SHISA9: variants seen among roughly 807,000 people sequenced by gnomAD.
SHISA9 encodes the protein shisa family member 9.
SHISA9 carries 13 observed loss-of-function variants against 38.0 expected under a neutral mutation model. The ratio of observed to expected loss-of-function variants is 0.34; its 90% CI spans 0.22 to 0.54. SHISA9 has a LOEUF of 0.54. SHISA9 is among the 20% of genes least tolerant of loss of function. The probability of loss-of-function intolerance (pLI) is 0.91; values close to 1 mark genes in which losing one functional copy is unlikely to be tolerated. For synonymous variants in SHISA9, 275 were observed against 242.0 expected (o/e 1.14, Z -1.27); for missense variants, 538 against 575.8 (o/e 0.93, Z 0.67).
At chr16:13,051,467 A>G (rs1010986802) in intron 2 of SHISA9, among the ~76,000 whole-genome samples, 3 of 152,192 alleles carry the variant, frequency 2.0e-5, no homozygotes, top group African/African-American at 4.8e-5. Flanking sequence ...CTGAATGAAT[A>G]TCGACTACTT....
intron 2 of SHISA9, among the ~76,000 whole-genome samples, chr16:13,078,533 G>A (rs1205350446): frequency 6.6e-6 from 1 of 152,084 alleles, no homozygotes; most frequent in South Asian, 2.1e-4. Context: ...AGCCACTGGA[G>A]TAGCTGGGAT....
chr16:13,261,399 G>A, the SHISA9 span, among the ~76,000 whole-genome samples: 8 of 152,280 alleles, frequency 5.3e-5, no homozygotes, highest in South Asian at 1.7e-3. Context: ...TGATGATGAT[G>A]TTGACAGCAC....
At chr16:13,473,370 T>C in the SHISA9 span, among the ~76,000 whole-genome samples, 1 of 147,420 alleles carries the variant, frequency 6.8e-6, no homozygotes, top group African/African-American at 2.5e-5. Context: ...TTTTTTTTTT[T>C]TGAGGGGGTA....
At chr16:13,045,763 T>A (rs56013801) in intron 2 of SHISA9, among the ~76,000 whole-genome samples, 1 of 151,640 alleles carries the variant, frequency 6.6e-6, no homozygotes, top group South Asian at 2.1e-4. Flanking sequence ...CTGCCCCCAC[T>A]GTGTCCCCCA....
At chr16:13,555,442 T>A in the SHISA9 span, among the ~76,000 whole-genome samples, 1 of 152,160 alleles carries the variant, frequency 6.6e-6, no homozygotes, top group Non-Finnish European at 1.5e-5. Context: ...GTGAGAACAT[T>A]TGGTAGTTCC....
the SHISA9 span, among the ~76,000 whole-genome samples, chr16:13,553,550 C>T: frequency 6.6e-6 from 1 of 152,104 alleles, no homozygotes; most frequent in East Asian, 1.9e-4. Context: ...GTCTAAAATA[C>T]CACTACCATA....
the SHISA9 span, among the ~76,000 whole-genome samples, chr16:13,334,773 C>A: frequency 7.9e-3 from 772 of 97,162 alleles, no homozygotes; most frequent in Middle Eastern, 0.012. Flanking sequence ...GACTCCATCT[C>A]AAAAAAAAAA....
intron 2 of SHISA9, among the ~76,000 whole-genome samples, chr16:13,177,873 T>C (rs2050745078): frequency 6.6e-6 from 1 of 152,142 alleles, no homozygotes; most frequent in South Asian, 2.1e-4. Context: ...TTTCACCATG[T>C]TGTCCAGGCT....
At chr16:13,265,392 T>C in the SHISA9 span, among the ~76,000 whole-genome samples, 8 of 64,898 alleles carry the variant, frequency 1.2e-4, no homozygotes, top group East Asian at 5.4e-4. Flanking sequence ...CCTCCCTTCC[T>C]CTCCTCTCCT....
chr16:13,155,671 G>T (rs903559135), intron 2 of SHISA9, among the ~76,000 whole-genome samples: 6 of 152,116 alleles, frequency 3.9e-5, no homozygotes, highest in African/African-American at 1.4e-4. Context: ...AGGTACCCAG[G>T]CCACAGCCTT....
chr16:13,541,192 G>A, the SHISA9 span, among the ~76,000 whole-genome samples: 102,627 of 151,936 alleles, frequency 0.68, 35,229 homozygotes, highest in East Asian at 0.97. Flanking sequence ...ATGATGCTCA[G>A]AGAGTAAAGG....
the SHISA9 span, among the ~76,000 whole-genome samples, chr16:13,377,361 T>C: frequency 1.3e-5 from 2 of 152,248 alleles, no homozygotes; most frequent in African/African-American, 4.8e-5. Context: ...AGTTCTTTTT[T>C]ATCATGTTTC....
At chr16:13,089,073 G>A (rs543780394) in intron 2 of SHISA9, among the ~76,000 whole-genome samples, 4 of 152,282 alleles carry the variant, frequency 2.6e-5, no homozygotes, top group Admixed American at 6.5e-5. Context: ...TAATCATGTG[G>A]TTTTTGTCTT....
the SHISA9 span, among the ~76,000 whole-genome samples, chr16:13,346,074 T>C: frequency 6.6e-6 from 1 of 152,184 alleles, no homozygotes; most frequent in Admixed American, 6.5e-5. Flanking sequence ...ATATTGTATA[T>C]TGTACCCATT....
At chr16:13,558,610 G>T in the SHISA9 span, among the ~76,000 whole-genome samples, 1 of 152,116 alleles carries the variant, frequency 6.6e-6, no homozygotes, top group African/African-American at 2.4e-5. Flanking sequence ...ACAGTAACAC[G>T]TTCCTGAGCA....
chr16:13,298,089 T>C, the SHISA9 span, among the ~76,000 whole-genome samples: 1 of 152,190 alleles, frequency 6.6e-6, no homozygotes, highest in African/African-American at 2.4e-5. Flanking sequence ...TTATCTTCCA[T>C]GGACCTGCCA....
At chr16:13,104,823 G>A (rs2073910955) in intron 2 of SHISA9, among the ~76,000 whole-genome samples, 1 of 152,144 alleles carries the variant, frequency 6.6e-6, no homozygotes, top group Non-Finnish European at 1.5e-5. Context: ...TACTTACAAT[G>A]TGTGAGTTTT....
chr16:12,925,504 GA>G (rs531681112), intron 2 of SHISA9, among the ~76,000 whole-genome samples: 186 of 146,184 alleles, frequency 1.3e-3, no homozygotes, highest in African/African-American at 4.3e-3. Flanking sequence ...CCCTTAAAGG[GA>G]AAAAAATCAC....
At chr16:13,214,849 C>G (rs1032368282) in intron 4 of SHISA9, among the ~76,000 whole-genome samples, 9 of 152,222 alleles carry the variant, frequency 5.9e-5, no homozygotes, top group African/African-American at 2.2e-4. Flanking sequence ...ATTCAATCAT[C>G]TCCCACCGGG....
Sources: allele counts gnomAD v4.1 joint callset (sites outside exome capture counted in the v4.1 genomes callset), GRCh38; gene constraint gnomAD v4.1.1; transcripts MANE v1.5; gene names NCBI Gene and HGNC (gene_info 2026-07-23, HGNC 2026-07-21).